The following MITD1 variants were observed in gnomAD, a reference collection of about 807,000 sequenced individuals.
The protein encoded by MITD1 is MIT domain-containing protein 1.
A neutral mutation model predicts 34.9 loss-of-function variants in MITD1; 24 were observed. The ratio of observed to expected loss-of-function variants is 0.69; its 90% CI spans 0.50 to 0.97. MITD1 has a LOEUF of 0.97. MITD1 is among the 50% of genes least tolerant of loss of function. The probability of loss-of-function intolerance (pLI) is 0.00; values close to 1 mark genes in which losing one functional copy is unlikely to be tolerated. For synonymous variants in MITD1, 102 were observed against 101.4 expected, an observed-to-expected ratio of 1.01 and a Z score of -0.04; for missense variants, 266 against 294.6, an observed-to-expected ratio of 0.90 and a Z score of 0.71.
intron 5 of MITD1, 91 bp from the exon 6 acceptor site, chr2:99,169,701 C>G (rs1339198252): frequency 9.4e-7 from 1 of 1,062,440 alleles, no homozygotes; most frequent in Admixed American, 1.9e-5. Context: ...CAAAATTTCC[C>G]CCTAACAAAG....
chr2:99,162,755 G>A (rs1047519619), intron 7 of MITD1: 3 of 1,614,042 alleles, frequency 1.9e-6, no homozygotes, highest in Non-Finnish European at 2.5e-6. Flanking sequence ...CCAAAGAACT[G>A]CAAACTTGGG....
chr2:99,171,670 T>G, intron 2 of MITD1, 24 bp from the exon 3 acceptor site: 1 of 1,591,958 alleles, frequency 6.3e-7, no homozygotes, highest in Non-Finnish European at 8.5e-7. Flanking sequence ...GCTTCAACAG[T>G]AAAACCAGTG....
Position 99,169,607 on chromosome 2 carries a change from G to C in MITD1, c.597C>G (p.Phe199Leu), listed in dbSNP as rs1412556271. 3 of 1,599,244 alleles carry C rather than the reference G, an allele frequency of 1.9e-6. No homozygotes were observed. The highest frequency in any genetic ancestry group is 2.6e-6 in the Non-Finnish European group (3 of 1,166,792). Residue 199 changes from phenylalanine to leucine, a missense_variant, in exon 6 of 7, where the codon TTC becomes TTG. Physicochemically the swap from Phe to Leu is conservative, Grantham distance 22. Transcript: ENST00000289359. ...CAATCTTAATCATCCATCCATTGTT[G>C]AACCTGTTGAAATTAGTATATAGTA... ...SSSIHDREIR[F>L]NNGWMIKIGR...
intron 7 of MITD1, chr2:99,162,887 T>C (rs373770419): frequency 6.2e-7 from 1 of 1,612,968 alleles, no homozygotes. Flanking sequence ...TTGAAATTTG[T>C]AATATTGAAG....
chr2:99,171,646 T>C lies in MITD1; in HGVS notation c.254A>G (p.Asp85Gly). 1 of 1,612,678 alleles carries C rather than the reference T, an allele frequency of 6.2e-7. No individual in the cohort carries two copies. Among genetic ancestry groups the C allele is most frequent in the Non-Finnish European group, 8.5e-7 (1 of 1,179,494 alleles). Residue 85 changes from aspartate (D) to glycine (G), a missense_variant and splice_region_variant, in exon 3 of 7, where the codon GAT (aspartate) becomes GGT (glycine). By Grantham distance (94) the Asp-to-Gly change is moderately conservative. Transcript: ENST00000289359. ...TTTAATTTGCTTGTGATATTTTCCA[T>C]CTATAAAACACAGGCTTCAACAGTA... The part of the protein sequence containing the change: ...IKKYLDQEKE[D>G]GKYHKQIKIE...
chr2:99,174,590 T>A (rs946527681), intron 1 of MITD1, among the ~76,000 whole-genome samples: 9 of 152,164 alleles, frequency 5.9e-5, no homozygotes, highest in Admixed American at 1.3e-4. Context: ...AATAATCTCA[T>A]TTTTTGTTTG....
intron 1 of MITD1, among the ~76,000 whole-genome samples, chr2:99,178,927 A>G (rs976895796): frequency 5.3e-5 from 8 of 152,184 alleles, no homozygotes; most frequent in Non-Finnish European, 1.0e-4. Flanking sequence ...TTATTTCGTA[A>G]GACAGCACAG....
intron 1 of MITD1, chr2:99,178,445 G>A (rs1350126871): frequency 6.6e-6 from 1 of 152,200 alleles, no homozygotes; most frequent in Non-Finnish European, 1.5e-5. Context: ...TCTAAGTGCT[G>A]TGGATACAGC....
intron 1 of MITD1, among the ~76,000 whole-genome samples, chr2:99,175,168 A>T (rs778911263): frequency 6.6e-6 from 1 of 151,346 alleles, no homozygotes; most frequent in Non-Finnish European, 1.5e-5. Context: ...TACTACAAGT[A>T]TCAGAGCTAG....
intron 1 of MITD1, among the ~76,000 whole-genome samples, chr2:99,175,757 T>C (rs1280436171): frequency 3.3e-5 from 5 of 152,194 alleles, no homozygotes; most frequent in Non-Finnish European, 5.9e-5. Context: ...AATCTATTTA[T>C]TCAATTAAAT....
At chr2:99,165,110 T>G (rs143667195), downstream of MITD1, among the ~76,000 whole-genome samples, 1 of 151,878 alleles carries the variant, frequency 6.6e-6, no homozygotes, top group African/African-American at 2.4e-5. Flanking sequence ...TTCTGTCACC[T>G]AGGCTGGAAT....
chr2:99,166,201 AAAG>A (rs904872824), downstream of MITD1, among the ~76,000 whole-genome samples: 3 of 150,558 alleles, frequency 2.0e-5, no homozygotes, highest in Non-Finnish European at 3.0e-5. Context: ...AAAAAAAAAA[AAAG>A]AGGTTACTAC....
downstream of MITD1, among the ~76,000 whole-genome samples, chr2:99,165,403 G>C (rs753040563): frequency 6.6e-6 from 1 of 152,094 alleles, no homozygotes; most frequent in Non-Finnish European, 1.5e-5. Context: ...GGATGGATGG[G>C]AGTATACATG....
chr2:99,170,785 C>A, intron 4 of MITD1, 133 bp from the exon 5 acceptor site: 1 of 467,748 alleles, frequency 2.1e-6, no homozygotes, highest in Non-Finnish European at 3.9e-6. Flanking sequence ...TCTATTATCT[C>A]AAAAAAACAA....
In MITD1 at chr2:99,180,695, A is replaced by G. The variant is rs2093913387; in HGVS notation, c.151+136T>C. The G allele has an allele frequency of 3.9e-6, 3 of 765,592 alleles. No individual in the cohort carries two copies. The South Asian group carries it at 5.1e-5, about 13-fold the overall frequency. The allele number at this position is 765,592 out of a possible 1,614,324, so 47.4% of individuals were successfully genotyped here. On this transcript the variant is annotated intron_variant, in intron 1 of 6. Coordinates refer to ENST00000289359, the MANE Select transcript of MITD1 (RefSeq NM_138798.3). ...AAAGAAAGCGGCCCAGTTGTCCTAT[A>G]GAATATCCCACCTTCTGTATTTAAC...
In MITD1 at chr2:99,171,389, C is replaced by T; in HGVS notation, c.431G>A (p.Arg144Lys). 1 of 1,612,318 alleles carries T rather than the reference C, an allele frequency of 6.2e-7. No homozygotes were observed. The highest frequency in any genetic ancestry group is 8.5e-7 in the Non-Finnish European group (1 of 1,179,562). Residue 144 changes from arginine (R) to lysine (K), a missense_variant, in exon 4 of 7, where the codon AGA becomes AAA. Coordinates refer to ENST00000289359, the MANE Select transcript of MITD1 (RefSeq NM_138798.3). ...GTGAATAGTTTTTACTTTACATGGT[C>T]TCTTAATAAGCATCTCACAAAATCG... ...FLRFCEMLIKRPCKVKTIHLL... is the reference protein window; with the variant it reads ...FLRFCEMLIKKPCKVKTIHLL...
At chr2:99,174,140 C>T (rs2105222290) in intron 1 of MITD1, 124 bp from the exon 2 acceptor site, 1 of 576,650 alleles carries the variant, frequency 1.7e-6, no homozygotes, top group South Asian at 2.3e-5. Flanking sequence ...TGCCTCAGTC[C>T]TCAAACACAC....
intron 2 of MITD1, 25 bp from the exon 3 acceptor site, chr2:99,171,671 A>C (rs757402229): frequency 8.9e-5 from 141 of 1,591,214 alleles, no homozygotes; most frequent in Non-Finnish European, 1.1e-4. Flanking sequence ...CTTCAACAGT[A>C]AAACCAGTGA....
chr2:99,167,965 G>T (rs1175189374), downstream of MITD1, among the ~76,000 whole-genome samples: 3 of 152,114 alleles, frequency 2.0e-5, no homozygotes, highest in Non-Finnish European at 4.4e-5. Context: ...TCCAAGGCTT[G>T]CCCAAGACCA....
Sources: gnomAD v4.1 joint callset for allele counts (sites outside exome capture counted in the v4.1 genomes callset) on GRCh38, gnomAD v4.1.1 for gene constraint, MANE v1.5 for transcripts, NCBI Gene and HGNC (gene_info 2026-07-23, HGNC 2026-07-21) for gene names.